The following MFSD6 variants were observed in gnomAD, a reference collection of about 807,000 sequenced individuals.
MFSD6 encodes the protein major facilitator superfamily domain-containing protein 6.
MFSD6 carries 26 observed loss-of-function variants against 56.3 expected under a neutral mutation model. The ratio of observed to expected loss-of-function variants is 0.46; its 90% CI spans 0.34 to 0.64. MFSD6 has a LOEUF of 0.64. Ranked by LOEUF, MFSD6 falls within the 30% of genes least tolerant of loss-of-function variation. The pLI, the probability that MFSD6 is intolerant of heterozygous loss-of-function variation, is 0.01. For synonymous variants in MFSD6, 331 were observed against 366.9 expected (o/e 0.90, Z 1.12); for missense variants, 750 against 986.2 (o/e 0.76, Z 3.21).
intron 2 of MFSD6, among the ~76,000 whole-genome samples, chr2:190,429,609 C>T (rs1685898892): frequency 6.6e-6 from 1 of 152,120 alleles, no homozygotes; most frequent in Non-Finnish European, 1.5e-5. Flanking sequence ...GCTACTGCAC[C>T]TAGCCAGAAA....
Position 190,489,927 on chromosome 2 carries a change from T to TG in MFSD6, c.1891+62dup. 7.4e-7 allele frequency: 1 copy of TG among 1,359,022 alleles called. No individual in the cohort carries two copies. Among genetic ancestry groups the TG allele is most frequent in the Admixed American group, 2.5e-5 (1 of 39,298 alleles). 84.2% of individuals were successfully genotyped at this position (1,359,022 alleles called of 1,614,324 possible). A position where few individuals can be genotyped will look rare whatever the true frequency, so the allele number is the denominator to read the frequency against. On this transcript the variant is annotated intron_variant, in intron 6 of 7. Transcript: ENST00000392328. The surrounding 1 kb of genome is among the most constrained non-coding windows in gnomAD (Gnocchi z 6.6). ...GTTCAGGCCATGGGAAGTCAACAAA[T>TG]GCCCCGAGAAGCCTAGAAGTGGTAC... is the stretch of plus-strand genomic sequence containing the variant.
At chr2:190,473,621 T>C (rs1688090402) in intron 4 of MFSD6, among the ~76,000 whole-genome samples, 1 of 152,120 alleles carries the variant, frequency 6.6e-6, no homozygotes, top group Non-Finnish European at 1.5e-5. Context: ...ACAATAATAA[T>C]TGGAGACTTT....
intron 4 of MFSD6, among the ~76,000 whole-genome samples, chr2:190,486,863 T>G (rs1330023100): frequency 6.6e-6 from 1 of 152,178 alleles, no homozygotes; most frequent in Non-Finnish European, 1.5e-5. Context: ...CAATATCTGG[T>G]TTTTACATTT....
rs34121676 is a variant in MFSD6, at chr2:190,447,761, G to C, written c.1532+10200G>C. 0.024 allele frequency among the ~76,000 whole-genome samples: 3,681 copies of C among 152,212 alleles called. 92 individuals carry two copies. Among genetic ancestry groups the C allele is most frequent in the East Asian group, 0.11 (565 of 5,190 alleles). On this transcript the variant is annotated intron_variant, in intron 3 of 7. Transcript: ENST00000392328. The surrounding 1 kb of genome is among the most constrained non-coding windows in gnomAD (Gnocchi z 4.5). Reference sequence around the variant, plus strand: ...GCCCCTTGGAGCTATTTAAAATACAGGTTCTCATTATCACATTGTAAGCTA... The same window carrying C: ...GCCCCTTGGAGCTATTTAAAATACACGTTCTCATTATCACATTGTAAGCTA...
intron 6 of MFSD6, among the ~76,000 whole-genome samples, chr2:190,493,898 T>C (rs955245206): frequency 6.6e-6 from 1 of 152,050 alleles, no homozygotes; most frequent in Non-Finnish European, 1.5e-5. Context: ...CCTAAATGCC[T>C]ACATCAAAAA....
chr2:190,448,938 G>A (rs564779792), intron 3 of MFSD6, among the ~76,000 whole-genome samples: 1 of 152,296 alleles, frequency 6.6e-6, no homozygotes, highest in South Asian at 2.1e-4. Context: ...AGAGCCAAAT[G>A]TGTGTATGTG....
chr2:190,485,663 C>T lies in MFSD6; in HGVS notation c.1631-2994C>T, dbSNP rs1420745221. Reference sequence around the variant, plus strand: ...GTCAACACTCATAATTAAGACTATCCAGGCATTATTCAATTCTGAGAAAGC... The same window carrying T: ...GTCAACACTCATAATTAAGACTATCTAGGCATTATTCAATTCTGAGAAAGC... On this transcript the variant is annotated intron_variant, in intron 4 of 7. Coordinates refer to ENST00000392328, the MANE Select transcript of MFSD6 (RefSeq NM_017694.4). The surrounding 1 kb of genome is among the most constrained non-coding windows in gnomAD (Gnocchi z 5.1). Among the ~76,000 whole-genome samples the T allele has an allele frequency of 6.6e-6, 1 of 151,936 alleles. No individual in the cohort carries two copies. The highest frequency in any genetic ancestry group is 1.9e-4 in the East Asian group (1 of 5,196).
intron 6 of MFSD6, among the ~76,000 whole-genome samples, chr2:190,493,544 T>C (rs12476471): frequency 9.2e-5 from 14 of 152,304 alleles, no homozygotes; most frequent in Admixed American, 9.2e-4. Context: ...AACAGATATT[T>C]ACAGAACATT....
chr2:190,417,965 GGT>G lies in MFSD6; in HGVS notation c.-54+2587_-54+2588del, dbSNP rs59001642. ...CTGACTTTTCATTTAACCCTTTAGTGGTGTGTGTGTGTGTGTGTGTGTGTGTG... is the reference window on the plus strand; with the variant it reads ...CTGACTTTTCATTTAACCCTTTAGTGGTGTGTGTGTGTGTGTGTGTGTGTG... On this transcript the variant is annotated intron_variant, in intron 2 of 7. Coordinates refer to ENST00000392328, the MANE Select transcript of MFSD6 (RefSeq NM_017694.4). The surrounding 1 kb of genome is among the most constrained non-coding windows in gnomAD (Gnocchi z 5.7). 0.017 allele frequency among the ~76,000 whole-genome samples: 2,396 copies of G among 144,598 alleles called. 62 individuals are homozygous for G. The highest frequency in any genetic ancestry group is 0.054 in the African/African-American group (2,067 of 38,588). The allele number at this position is 144,598 out of a possible 152,430, so 94.9% of individuals were successfully genotyped here.
rs566151217 is a variant in MFSD6, at chr2:190,433,048, G to A, written c.-53-2929G>A. Among the ~76,000 whole-genome samples, 7 of 152,194 alleles carry A rather than the reference G, an allele frequency of 4.6e-5. No individual in the cohort carries two copies. Among genetic ancestry groups the A allele is most frequent in the Admixed American group, 2.0e-4 (3 of 15,282 alleles). On this transcript the variant is annotated intron_variant, in intron 2 of 7. Coordinates refer to ENST00000392328, the MANE Select transcript of MFSD6 (RefSeq NM_017694.4). The surrounding 1 kb of genome is among the most constrained non-coding windows in gnomAD (Gnocchi z 4.5). ...ACCAATTGTTTACTTTCTGCTTTCC[G>A]TAATTTTATTTTATTGCTATTATGT...
At position 190,459,553 on chromosome 2, in the gene MFSD6, A is replaced by G. The variant is rs1687213887; in HGVS notation, c.1533-10205A>G. ...ACAAAACAGCATATTGTGTCTTCTA[A>G]GTGGTTGGGTTCCATTAATCAAGGT... On this transcript the variant is annotated intron_variant, in intron 3 of 7. Coordinates refer to ENST00000392328, the MANE Select transcript of MFSD6 (RefSeq NM_017694.4). The surrounding 1 kb of genome is among the most constrained non-coding windows in gnomAD (Gnocchi z 5.3). 6.6e-6 allele frequency among the ~76,000 whole-genome samples: 1 copy of G among 152,210 alleles called. No individual in the cohort carries two copies. Among genetic ancestry groups the G allele is most frequent in the African/African-American group, 2.4e-5 (1 of 41,438 alleles).
intron 1 of MFSD6, among the ~76,000 whole-genome samples, chr2:190,409,901 G>C (rs1316158057): frequency 5.3e-5 from 8 of 152,160 alleles, no homozygotes; most frequent in Non-Finnish European, 7.3e-5. Context: ...ATTTAGGATT[G>C]CTTAGGGGAA....
rs1689973904 is a variant in MFSD6 at position 190,500,455 on chromosome 2, G to A, written c.*237G>A. The A allele has an allele frequency of 5.6e-6, 3 of 533,658 alleles. No homozygotes were observed. In the South Asian group the frequency reaches 7.3e-5, roughly 13 times the overall value. 33.1% of individuals were successfully genotyped at this position (533,658 alleles called of 1,614,324 possible). A position where few individuals can be genotyped will look rare whatever the true frequency, so the allele number is the denominator to read the frequency against. On this transcript the variant is annotated 3_prime_UTR_variant, in exon 8 of 8. Coordinates refer to ENST00000392328, the MANE Select transcript of MFSD6 (RefSeq NM_017694.4). This position sits in a 1 kb window ranked among gnomAD's most constrained non-coding sequence, Gnocchi z 5.3. Reference sequence around the variant, plus strand: ...ACAACAGGGAAATGGAGTTCAATGAGGACTTTCAGTTCTTTGCTTGGTTAG... The same window carrying A: ...ACAACAGGGAAATGGAGTTCAATGAAGACTTTCAGTTCTTTGCTTGGTTAG...
rs1008504386 is a variant in MFSD6, at chr2:190,456,955, C to T, written c.1533-12803C>T. On this transcript the variant is annotated intron_variant, in intron 3 of 7. Coordinates refer to ENST00000392328, the MANE Select transcript of MFSD6 (RefSeq NM_017694.4). The surrounding 1 kb of genome is among the most constrained non-coding windows in gnomAD (Gnocchi z 5.4). ...TCTTACCCCAGTCTTCCCAATGACTCGTCAAAGTTTAAAATGTCAACCGTC... is the reference window on the plus strand; with the variant it reads ...TCTTACCCCAGTCTTCCCAATGACTTGTCAAAGTTTAAAATGTCAACCGTC... 9.9e-5 allele frequency among the ~76,000 whole-genome samples: 15 copies of T among 152,134 alleles called. No individual in the cohort carries two copies. Among genetic ancestry groups the T allele is most frequent in the Admixed American group, 3.9e-4 (6 of 15,262 alleles).
At position 190,467,564 on chromosome 2, in the gene MFSD6, G is replaced by C. The variant is rs1398412795; in HGVS notation, c.1533-2194G>C. Among the ~76,000 whole-genome samples, 1 of 152,166 alleles carries C rather than the reference G, an allele frequency of 6.6e-6. No individual in the cohort carries two copies. Among genetic ancestry groups the C allele is most frequent in the East Asian group, 1.9e-4 (1 of 5,198 alleles). ...GGAGGCGGAGGTTTCAGTGAGCCGA[G>C]ATCGTGCCACTGCTCTCTAGCCTCG... is the stretch of plus-strand genomic sequence containing the variant. On this transcript the variant is annotated intron_variant, in intron 3 of 7. Transcript: ENST00000392328. The surrounding 1 kb of genome is among the most constrained non-coding windows in gnomAD (Gnocchi z 5.5).
In MFSD6 at chr2:190,456,051, C is replaced by A. The variant is rs1030953999; in HGVS notation, c.1533-13707C>A. On this transcript the variant is annotated intron_variant, in intron 3 of 7. Transcript: ENST00000392328. The surrounding 1 kb of genome is among the most constrained non-coding windows in gnomAD (Gnocchi z 5.4). ...TGCCTCCTGGGTTCAAGCAGTTCTC[C>A]TGTGTCAGCCTCTCTTGTAGCTGGG... Among the ~76,000 whole-genome samples the A allele has an allele frequency of 1.4e-5, 2 of 144,022 alleles. No homozygotes were observed. The highest frequency in any genetic ancestry group is 5.1e-5 in the African/African-American group (2 of 39,206). The allele number at this position is 144,022 out of a possible 152,430, so 94.5% of individuals were successfully genotyped here.
intron 2 of MFSD6, among the ~76,000 whole-genome samples, chr2:190,429,525 A>G (rs566605352): frequency 3.3e-5 from 5 of 151,972 alleles, no homozygotes; most frequent in Non-Finnish European, 7.4e-5. Context: ...ACGGGGTTTC[A>G]TCATGTTGGC....
chr2:190,487,124 C>T lies in MFSD6; in HGVS notation c.1631-1533C>T, dbSNP rs982405602. Among the ~76,000 whole-genome samples, 11 of 151,978 alleles carry T rather than the reference C, an allele frequency of 7.2e-5. No homozygotes were observed. The highest frequency in any genetic ancestry group is 2.4e-4 in the African/African-American group (10 of 41,358). On this transcript the variant is annotated intron_variant, in intron 4 of 7. Coordinates refer to ENST00000392328, the MANE Select transcript of MFSD6 (RefSeq NM_017694.4). The surrounding 1 kb of genome is among the most constrained non-coding windows in gnomAD (Gnocchi z 5.5). The stretch of plus-strand genomic sequence containing the variant: ...TTGAGAGGCTGAGGCAGGTGGATCA[C>T]GAGGTCAAGAGATCAAGACCATCCT...
intron 1 of MFSD6, chr2:190,411,816 T>G: frequency 1.0e-6 from 1 of 985,364 alleles, no homozygotes; most frequent in Non-Finnish European, 1.2e-6. Context: ...ACTCCTCAGT[T>G]TTCCTCCTCA....
Sources: gnomAD v4.1 joint callset for allele counts (sites outside exome capture counted in the v4.1 genomes callset) on GRCh38, gnomAD v4.1.1 for gene constraint, Gnocchi (gnomAD v3.1) non-coding constraint, MANE v1.5 for transcripts, NCBI Gene and HGNC (gene_info 2026-07-23, HGNC 2026-07-21) for gene names.